The following CEBPZ variants were observed in gnomAD, a reference collection of about 807,000 sequenced individuals.
The protein encoded by CEBPZ is CCAAT/enhancer-binding protein zeta.
In CEBPZ, 78 loss-of-function variants were observed where a neutral mutation model predicts 104.5. The observed-to-expected ratio is 0.75, with a 90% CI of 0.62 to 0.90. The LOEUF is 0.90. CEBPZ is among the 40% of genes least tolerant of loss of function. The pLI, the probability that CEBPZ is intolerant of heterozygous loss-of-function variation, is 0.00. For synonymous variants in CEBPZ, 470 were observed against 427.0 expected (o/e 1.10, Z -1.24); for missense variants, 1,439 against 1,233.5 (o/e 1.17, Z -2.50).
intron 2 of CEBPZ, among the ~76,000 whole-genome samples, chr2:37,224,487 T>C (rs1458586770): frequency 6.6e-6 from 1 of 152,188 alleles, no homozygotes; most frequent in Non-Finnish European, 1.5e-5. Context: ...TTGCTCTGAA[T>C]ACTCTGGGAA....
chr2:37,230,670 C>G (rs971343792), intron 1 of CEBPZ, among the ~76,000 whole-genome samples: 1 of 152,200 alleles, frequency 6.6e-6, no homozygotes, highest in Non-Finnish European at 1.5e-5. Flanking sequence ...CCTCTGACCC[C>G]TCGGCCCTCC....
At chr2:37,213,712 C>A in intron 10 of CEBPZ, 152 bp downstream of exon 10, 1 of 570,198 alleles carries the variant, frequency 1.8e-6, no homozygotes, top group Non-Finnish European at 3.0e-6. Flanking sequence ...CAGCGCCTGG[C>A]CCCAAATATT....
Position 37,228,447 on chromosome 2 carries a change from G to A in CEBPZ, c.746C>T (p.Ala249Val). The change falls in exon 2 of 16, where the codon GCA (alanine) becomes GTA (valine). Residue 249 changes from alanine (A) to valine (V), a missense_variant. Transcript: ENST00000234170. Reference protein sequence around the residue: ...VSSGTLGDRMAAMILLIQDDA... With the variant: ...VSSGTLGDRMVAMILLIQDDA... ...ATCCTGAATAAGAAGAATCATGGCTGCCATCCTGTCACCTAGTGTCCCCGA... is the reference window on the plus strand; with the variant it reads ...ATCCTGAATAAGAAGAATCATGGCTACCATCCTGTCACCTAGTGTCCCCGA... The A allele has an allele frequency of 6.2e-7, 1 of 1,614,202 alleles. No homozygotes were observed. Among genetic ancestry groups the A allele is most frequent in the Non-Finnish European group, 8.5e-7 (1 of 1,180,032 alleles).
chr2:37,224,906 C>T (rs547230533), intron 2 of CEBPZ, among the ~76,000 whole-genome samples: 1 of 152,260 alleles, frequency 6.6e-6, no homozygotes, highest in Non-Finnish European at 1.5e-5. Context: ...AAAATCCACC[C>T]TTCCTCAGAG....
Position 37,211,707 on chromosome 2 carries a change from G to T in CEBPZ, c.2800+136C>A, listed in dbSNP as rs559304971. Reference sequence around the variant, plus strand: ...TCAGCTCCAAACGAGAAGGGAAAAGGTCCTTTTAAGTTTCTGGCTGACATG... The same window carrying T: ...TCAGCTCCAAACGAGAAGGGAAAAGTTCCTTTTAAGTTTCTGGCTGACATG... On this transcript the variant is annotated intron_variant, in intron 12 of 15. Transcript: ENST00000234170. 3 of 616,370 alleles carry T rather than the reference G, an allele frequency of 4.9e-6. No individual in the cohort carries two copies. The East Asian group carries it at 9.0e-5, about 18-fold the overall frequency. The allele number at this position is 616,370 out of a possible 1,614,324, so 38.2% of individuals were successfully genotyped here. A position where few individuals can be genotyped will look rare whatever the true frequency, so the allele number is the denominator to read the frequency against.
At position 37,229,032 on chromosome 2, in the gene CEBPZ, T is replaced by C; in HGVS notation, c.161A>G (p.Asp54Gly). 2.0e-6 allele frequency: 3 copies of C among 1,519,780 alleles called. No individual in the cohort carries two copies. Among genetic ancestry groups the C allele is most frequent in the Non-Finnish European group, 2.6e-6 (3 of 1,137,622 alleles). 94.1% of individuals were successfully genotyped at this position (1,519,780 alleles called of 1,614,324 possible). The part of the protein sequence containing the change: ...EVLRLGGTKQ[D>G]YLMLATLDEN... ...ATCCAAAGTAGCCAGCATAAGGTAA[T>C]CTTGCTGCATTAAAAACATAAGTTA... The change falls in exon 2 of 16, where the codon GAT becomes GGT. Residue 54 changes from aspartate to glycine, a missense_variant. Physicochemically the swap from Asp to Gly is moderately conservative, Grantham distance 94 (BLOSUM62 -1). Transcript: ENST00000234170.
intron 15 of CEBPZ, 55 bp downstream of exon 15, chr2:37,202,726 TGAA>T: frequency 1.2e-6 from 1 of 841,634 alleles, no homozygotes; most frequent in Non-Finnish European, 1.8e-6. Context: ...TCCTATCTTC[TGAA>T]GTTCCAAGCC....
chr2:37,204,347 G>T (rs571996972), intron 13 of CEBPZ: 2 of 144,920 alleles, frequency 1.4e-5, no homozygotes, highest in African/African-American at 2.5e-5. Context: ...GCGTGATCTC[G>T]GCTCACTGCA....
chr2:37,225,364 AAAG>A (rs772064816), intron 2 of CEBPZ, among the ~76,000 whole-genome samples: 35 of 152,132 alleles, frequency 2.3e-4, no homozygotes, highest in Non-Finnish European at 4.7e-4. Context: ...GTCTGTGTAG[AAAG>A]AAGTAGACAT....
intron 13 of CEBPZ, chr2:37,209,776 T>C (rs150421073): frequency 1.6e-4 from 24 of 151,900 alleles, no homozygotes; most frequent in African/African-American, 5.8e-4. Context: ...CAAAAACAAA[T>C]AGATGGGACT....
chr2:37,214,663 C>G (rs1179425346), intron 9 of CEBPZ, among the ~76,000 whole-genome samples: 1 of 152,034 alleles, frequency 6.6e-6, no homozygotes, highest in African/African-American at 2.4e-5. Context: ...ATTTTCTTAA[C>G]AAACACAGAC....
rs1274812701 is a variant in CEBPZ, at chr2:37,222,570, A to G, written c.1882-7T>C. 8 of 1,566,950 alleles carry G rather than the reference A, an allele frequency of 5.1e-6. No individual in the cohort carries two copies. The highest frequency in any genetic ancestry group is 6.9e-6 in the Non-Finnish European group (8 of 1,159,546). On this transcript the variant is annotated splice_polypyrimidine_tract_variant and splice_region_variant and intron_variant, in intron 3 of 15. Transcript: ENST00000234170. ...TTTCTTCATCATCAGACTCCTAACA[A>G]AAGTATAGTTTCATAAATCTACATA...
At position 37,201,658 on chromosome 2, in the gene CEBPZ, TGA is replaced by T. The variant is rs759907994; in HGVS notation, c.*104_*105del. ...TATTTATAGTTTATTACAAATCCACTGAGAAGTCTGGAATGTATGGAATCAGA... is the reference window on the plus strand; with the variant it reads ...TATTTATAGTTTATTACAAATCCACTGAAGTCTGGAATGTATGGAATCAGA... On this transcript the variant is annotated 3_prime_UTR_variant, in exon 16 of 16. Coordinates refer to ENST00000234170, the MANE Select transcript of CEBPZ (RefSeq NM_005760.3). 3 of 761,676 alleles carry T rather than the reference TGA, an allele frequency of 3.9e-6. No homozygotes were observed. The highest frequency in any genetic ancestry group is 2.7e-5 in the East Asian group (1 of 37,326). The allele number at this position is 761,676 out of a possible 1,614,324, so 47.2% of individuals were successfully genotyped here.
rs200933054 is a variant in CEBPZ, at chr2:37,228,868, C to T, written c.325G>A (p.Glu109Lys). ...ASLVEEDEPAEKENSSKKEVK... is the reference protein window; with the variant it reads ...ASLVEEDEPAKKENSSKKEVK... ...TCTTTTTTGCTGGAATTTTCTTTTTCAGCTGGTTCATCTTCTTCAACTAAG... is the reference window on the plus strand; with the variant it reads ...TCTTTTTTGCTGGAATTTTCTTTTTTAGCTGGTTCATCTTCTTCAACTAAG... The change falls in exon 2 of 16, where the codon GAA becomes AAA. Residue 109 changes from glutamate to lysine, a missense_variant. Transcript: ENST00000234170. 5 of 1,598,490 alleles carry T rather than the reference C, an allele frequency of 3.1e-6. No homozygotes were observed. In the Admixed American group the frequency reaches 5.3e-5, roughly 17 times the overall value.
chr2:37,227,924 T>A lies in CEBPZ; in HGVS notation c.1269A>T (p.Glu423Asp). 2 of 1,614,208 alleles carry A rather than the reference T, an allele frequency of 1.2e-6. No individual in the cohort carries two copies. The highest frequency in any genetic ancestry group is 1.1e-5 in the South Asian group (1 of 91,086). The change falls in exon 2 of 16, where the codon GAA becomes GAT. Residue 423 changes from glutamate (E) to aspartate (D), a missense_variant. Transcript: ENST00000234170. ...HPNMKGVVSG[E>D]VERLLFRSNI... ...TTGAGCGGAAGAGTAGCCTTTCTAC[T>A]TCACCAGACACAACTCCTTTCATAT...
rs918104165 is a variant in CEBPZ at position 37,228,691 on chromosome 2, C to T, written c.502G>A (p.Glu168Lys). The T allele has an allele frequency of 2.5e-6, 4 of 1,614,114 alleles. No individual in the cohort carries two copies. Among genetic ancestry groups the T allele is most frequent in the Non-Finnish European group, 3.4e-6 (4 of 1,180,006 alleles). ...KVKKDKQNIF[E>K]FFERQTLLLR... is the part of the protein sequence containing the mutation. ...AACAAAGTCTGTCTCTCAAAAAATT[C>T]AAAGATGTTCTGTTTATCTTTCTTT... Residue 168 changes from glutamate (E) to lysine (K), a missense_variant, in exon 2 of 16, where the codon GAA (glutamate) becomes AAA (lysine). Coordinates refer to ENST00000234170, the MANE Select transcript of CEBPZ (RefSeq NM_005760.3).
Position 37,231,570 on chromosome 2 carries a change from C to A in CEBPZ, c.-3G>T, listed in dbSNP as rs557024343. 8.1e-6 allele frequency: 13 copies of A among 1,614,224 alleles called. No individual in the cohort carries two copies. Among genetic ancestry groups the A allele is most frequent in the Non-Finnish European group, 1.0e-5 (12 of 1,180,030 alleles). On this transcript the variant is annotated 5_prime_UTR_variant, in exon 1 of 16. Coordinates refer to ENST00000234170, the MANE Select transcript of CEBPZ (RefSeq NM_005760.3). Reference sequence around the variant, plus strand: ...AAAGGCTCCTTGACTGCGGCCATGGCGGGCAAAGCATACGCGCGTGAAACT... The same window carrying A: ...AAAGGCTCCTTGACTGCGGCCATGGAGGGCAAAGCATACGCGCGTGAAACT...
Position 37,227,754 on chromosome 2 carries a change from G to T in CEBPZ, c.1439C>A (p.Ser480Ter). ...TGTTAAAAGGGCGCTAAGCATTTTT[G>T]ATTCAACATCTTTTTTTTTGACACA... ...RTCVKKKDVE[S>*]KMLSALLTGV... The change falls in exon 2 of 16, where the codon TCA becomes TAA. Residue 480 changes from serine to a stop codon, truncating the protein, a stop_gained. Coordinates refer to ENST00000234170, the MANE Select transcript of CEBPZ (RefSeq NM_005760.3). LOFTEE classifies it high-confidence loss of function. 1.2e-6 allele frequency: 2 copies of T among 1,613,754 alleles called. No individual in the cohort carries two copies. Among genetic ancestry groups the T allele is most frequent in the South Asian group, 1.1e-5 (1 of 90,988 alleles).
At chr2:37,227,278 G>T (rs1218000491) in intron 2 of CEBPZ, among the ~76,000 whole-genome samples, 4 of 152,194 alleles carry the variant, frequency 2.6e-5, no homozygotes, top group African/African-American at 9.7e-5. Context: ...AATACTAGGT[G>T]GTAGATATGA....
Sources: gnomAD v4.1 joint callset for allele counts (sites outside exome capture counted in the v4.1 genomes callset) on GRCh38, gnomAD v4.1.1 for gene constraint, MANE v1.5 for transcripts, NCBI Gene and HGNC (gene_info 2026-07-23, HGNC 2026-07-21) for gene names.